The following CACNB2 variants were observed in gnomAD, a reference collection of about 807,000 sequenced individuals.
CACNB2 encodes the protein voltage-dependent L-type calcium channel subunit beta-2.
Under a neutral mutation model 73.3 loss-of-function variants are expected in CACNB2, and 42 were observed. The ratio of observed to expected loss-of-function variants is 0.57; its 90% CI spans 0.45 to 0.74. CACNB2 has a LOEUF of 0.74. CACNB2 is among the 30% of genes least tolerant of loss of function. The probability of loss-of-function intolerance (pLI) is 0.00; values close to 1 mark genes in which losing one functional copy is unlikely to be tolerated. For synonymous variants in CACNB2, 348 were observed against 310.3 expected (o/e 1.12, Z -1.28); for missense variants, 940 against 853.0 (o/e 1.10, Z -1.27).
At chr10:18,353,047 A>T (rs754796986) in intron 2 of CACNB2, among the ~76,000 whole-genome samples, 5 of 152,252 alleles carry the variant, frequency 3.3e-5, no homozygotes, top group Non-Finnish European at 2.9e-5. Context: ...TTAGAGAAAT[A>T]TGATTGCTAT....
At chr10:18,290,765 G>A (rs1013681387) in intron 2 of CACNB2, among the ~76,000 whole-genome samples, 1 of 152,202 alleles carries the variant, frequency 6.6e-6, no homozygotes, top group African/African-American at 2.4e-5. Context: ...GTTGCTTGCT[G>A]AGGGGGAAGG....
At chr10:18,421,191 C>G (rs1314938718) in intron 3 of CACNB2, among the ~76,000 whole-genome samples, 1 of 150,750 alleles carries the variant, frequency 6.6e-6, no homozygotes, top group Non-Finnish European at 1.5e-5. Context: ...ATAATCTTAG[C>G]CCTTGACATT....
At chr10:18,232,058 T>G (rs1358533905) in intron 2 of CACNB2, among the ~76,000 whole-genome samples, 2 of 152,212 alleles carry the variant, frequency 1.3e-5, no homozygotes, top group Non-Finnish European at 2.9e-5. Context: ...CACAAAGGTA[T>G]TTATGTGAAA....
rs2048789584 is a variant in CACNB2, at chr10:18,481,735, C to G, written c.334-16620C>G. ...CTCTTCTATTCCCTGAGATTGTACT[C>G]TTATATAAGCTCAGTGCCTCAGTAT... On this transcript the variant is annotated intron_variant, in intron 3 of 13. Coordinates refer to ENST00000324631, the MANE Select transcript of CACNB2 (RefSeq NM_201596.3). Among the ~76,000 whole-genome samples the G allele has an allele frequency of 1.3e-5, 2 of 152,142 alleles. 1 individual carries two copies. Among genetic ancestry groups the G allele is most frequent in the African/African-American group, 4.8e-5 (2 of 41,420 alleles).
chr10:18,425,331 A>T (rs577727700), intron 3 of CACNB2, among the ~76,000 whole-genome samples: 1 of 152,264 alleles, frequency 6.6e-6, no homozygotes, highest in African/African-American at 2.4e-5. Context: ...CGATGTATCT[A>T]TCTTTTCTGT....
intron 2 of CACNB2, among the ~76,000 whole-genome samples, chr10:18,275,202 G>C (rs1341952689): frequency 6.6e-6 from 1 of 152,190 alleles, no homozygotes; most frequent in Non-Finnish European, 1.5e-5. Flanking sequence ...AGTTCCTACA[G>C]ATACCCCTGT....
chr10:18,174,409 C>T (rs12411638), intron 2 of CACNB2, among the ~76,000 whole-genome samples: 14,518 of 122,822 alleles, frequency 0.12, 798 homozygotes, highest in East Asian at 0.29. Flanking sequence ...TCTTTCTTTC[C>T]TTCTTTCCTT....
In CACNB2 at chr10:18,247,375, T is replaced by C. The variant is rs775300575; in HGVS notation, c.213+96400T>C. Among the ~76,000 whole-genome samples, 17 of 152,318 alleles carry C rather than the reference T, an allele frequency of 1.1e-4. No individual in the cohort carries two copies. In the South Asian group the frequency reaches 3.5e-3, roughly 32 times the overall value. ...AACACCAATTCCCAATAAAGGACCA[T>C]TCAAACATATTTTTACTTCTCCGCT... On this transcript the variant is annotated intron_variant, in intron 2 of 13. Transcript: ENST00000324631.
At chr10:18,269,754 C>A (rs549932217) in intron 2 of CACNB2, among the ~76,000 whole-genome samples, 63 of 152,306 alleles carry the variant, frequency 4.1e-4, no homozygotes, top group African/African-American at 1.4e-3. Context: ...GTTCCTCCCT[C>A]TCTCTGCTCC....
chr10:18,334,030 TTA>T (rs1338679100), intron 2 of CACNB2, among the ~76,000 whole-genome samples: 1 of 152,224 alleles, frequency 6.6e-6, no homozygotes. Flanking sequence ...TGCTTTCTGT[TTA>T]TGTCGACAGA....
chr10:18,435,570 C>T (rs1181447870), intron 3 of CACNB2, among the ~76,000 whole-genome samples: 3 of 152,156 alleles, frequency 2.0e-5, no homozygotes, highest in African/African-American at 7.2e-5. Context: ...GTGAACATAG[C>T]TCACTGCAGC....
intron 3 of CACNB2, among the ~76,000 whole-genome samples, chr10:18,465,249 G>A (rs2047813617): frequency 2.0e-5 from 3 of 152,218 alleles, no homozygotes; most frequent in Admixed American, 1.3e-4. Flanking sequence ...AGAATTGCTT[G>A]AACCTGGGAG....
chr10:18,457,619 G>A (rs570965665), intron 3 of CACNB2, among the ~76,000 whole-genome samples: 21 of 152,128 alleles, frequency 1.4e-4, no homozygotes, highest in Admixed American at 4.6e-4. Flanking sequence ...GGCCGGTCGC[G>A]GTGGCTCATG....
rs780496999 is a variant in CACNB2, at chr10:18,519,735, T to C, written c.944+767T>C. ...TTTACAGGAAGATTCCTTGAAAGAA[T>C]TGAGTGTACTGGCTTTCCTTCCACT... On this transcript the variant is annotated intron_variant, in intron 9 of 13. Coordinates refer to ENST00000324631, the MANE Select transcript of CACNB2 (RefSeq NM_201596.3). The C allele has an allele frequency of 3.7e-5, 17 of 456,100 alleles. 1 individual carries two copies. Among genetic ancestry groups the C allele is most frequent in the South Asian group, 6.2e-5 (4 of 64,560 alleles). 28.3% of individuals were successfully genotyped at this position (456,100 alleles called of 1,614,324 possible).
At chr10:18,365,703 G>C (rs1168405340) in intron 2 of CACNB2, among the ~76,000 whole-genome samples, 2 of 152,162 alleles carry the variant, frequency 1.3e-5, no homozygotes, top group African/African-American at 4.8e-5. Context: ...CGTTGGGACA[G>C]AATAGTGCAA....
At chr10:18,262,459 T>C (rs2037596103) in intron 2 of CACNB2, among the ~76,000 whole-genome samples, 1 of 152,198 alleles carries the variant, frequency 6.6e-6, no homozygotes, top group Non-Finnish European at 1.5e-5. Flanking sequence ...ATTTGTCTTT[T>C]GAATGCAACA....
intron 2 of CACNB2, among the ~76,000 whole-genome samples, chr10:18,154,194 T>C (rs1377583179): frequency 2.6e-5 from 4 of 151,876 alleles, no homozygotes; most frequent in Non-Finnish European, 4.4e-5. Context: ...TCAGAAACAC[T>C]AGGTATACTT....
chr10:18,254,331 C>T (rs917516363), intron 2 of CACNB2, among the ~76,000 whole-genome samples: 2 of 152,166 alleles, frequency 1.3e-5, no homozygotes, highest in Non-Finnish European at 2.9e-5. Context: ...GTGTAGTCTA[C>T]CTCAATAACA....
intron 1 of CACNB2, 49 bp downstream of exon 1, chr10:18,140,905 G>T (rs761187420): frequency 1.3e-6 from 2 of 1,559,116 alleles, no homozygotes; most frequent in South Asian, 2.4e-5. Context: ...CGCCGGGCAG[G>T]GCACCGACCT....
Sources: allele counts gnomAD v4.1 joint callset (sites outside exome capture counted in the v4.1 genomes callset), GRCh38; gene constraint gnomAD v4.1.1; transcripts MANE v1.5; gene names NCBI Gene and HGNC (gene_info 2026-07-23, HGNC 2026-07-21).